Variants in NEBL observed in about 807,000 individuals in gnomAD.
NEBL encodes the protein nebulette, also known as LIM and SH3 protein 2.
NEBL carries 122 observed loss-of-function variants against 140.2 expected under a neutral mutation model. The observed-to-expected ratio is 0.87, with a 90% CI of 0.75 to 1.01. The LOEUF (loss-of-function observed/expected upper bound fraction) is 1.01. Ranked by LOEUF, NEBL falls within the 50% of genes least tolerant of loss-of-function variation. NEBL has a pLI of 0.00. For missense variants in NEBL, 1,365 were observed against 1,231.3 expected (o/e 1.11, Z -1.62); for synonymous variants, 436 against 398.9 (o/e 1.09, Z -1.11).
At chr10:21,146,958 G>C (rs938556720) in intron 2 of NEBL, among the ~76,000 whole-genome samples, 1 of 152,112 alleles carries the variant, frequency 6.6e-6, no homozygotes, top group African/African-American at 2.4e-5. Flanking sequence ...ATGGCTTCTT[G>C]ATTTCCACGG....
At chr10:20,966,560 G>T (rs187663799) in intron 3 of NEBL, among the ~76,000 whole-genome samples, 1 of 152,296 alleles carries the variant, frequency 6.6e-6, no homozygotes, top group East Asian at 1.9e-4. Flanking sequence ...GCCAAAGTGT[G>T]CACCCTTAGT....
At chr10:20,835,188 A>G (rs1795260097) in intron 14 of NEBL, among the ~76,000 whole-genome samples, 1 of 152,236 alleles carries the variant, frequency 6.6e-6, no homozygotes, top group Admixed American at 6.5e-5. Context: ...CCATTAAAAA[A>G]TACCATGAAA....
At chr10:20,982,198 C>T (rs61849670) in intron 3 of NEBL, among the ~76,000 whole-genome samples, 9,488 of 151,980 alleles carry the variant, frequency 0.062, 419 homozygotes, top group Non-Finnish European at 0.089. Flanking sequence ...AGGAATGCAT[C>T]GTGTAGTTAC....
At chr10:21,217,055 G>C (rs1200829655) in intron 3 of NEBL, among the ~76,000 whole-genome samples, 6 of 152,106 alleles carry the variant, frequency 3.9e-5, no homozygotes, top group Non-Finnish European at 8.8e-5. Flanking sequence ...CAATACCCCT[G>C]GGAAGGGGCT....
At chr10:20,794,514 A>G (rs912976193) in intron 26 of NEBL, among the ~76,000 whole-genome samples, 1 of 152,202 alleles carries the variant, frequency 6.6e-6, no homozygotes, top group Non-Finnish European at 1.5e-5. Flanking sequence ...TTTTGGTGAA[A>G]TATACATACC....
intron 3 of NEBL, among the ~76,000 whole-genome samples, chr10:21,228,035 T>C (rs866556402): frequency 2.6e-5 from 4 of 152,080 alleles, no homozygotes; most frequent in Non-Finnish European, 5.9e-5. Flanking sequence ...CAGAGAATGA[T>C]AGTGTTCCCA....
At chr10:21,058,694 G>A (rs554483592) in intron 2 of NEBL, among the ~76,000 whole-genome samples, 2 of 152,132 alleles carry the variant, frequency 1.3e-5, no homozygotes, top group African/African-American at 2.4e-5. Flanking sequence ...TATAATATCA[G>A]AGTTGCATGT....
At chr10:21,255,453 T>C in intron 1 of NEBL, among the ~76,000 whole-genome samples, 1 of 152,136 alleles carries the variant, frequency 6.6e-6, no homozygotes, top group South Asian at 2.1e-4. Flanking sequence ...TGCTGTTCAA[T>C]ACAGTAGCCA....
chr10:20,846,469 A>G (rs1448002928), intron 11 of NEBL, among the ~76,000 whole-genome samples: 3 of 152,184 alleles, frequency 2.0e-5, no homozygotes, highest in East Asian at 1.9e-4. Context: ...CCATACAGCA[A>G]TCTAACAAAC....
chr10:20,812,743 C>A lies in NEBL; in HGVS notation c.2518+26G>T, dbSNP rs1043602775. 15 of 1,613,214 alleles carry A rather than the reference C, an allele frequency of 9.3e-6. No individual in the cohort carries two copies. In the African/African-American group the frequency reaches 1.7e-4, roughly 19 times the overall value. On this transcript the variant is annotated intron_variant, in intron 24 of 27. Coordinates refer to ENST00000377122, the MANE Select transcript of NEBL (RefSeq NM_006393.3). The stretch of plus-strand genomic sequence containing the variant: ...AGCATGATCTTTTCGACCACACACA[C>A]CGGCCGACAAACGCCGTCAGCTTAC...
chr10:20,906,131 G>A (rs80053609), intron 4 of NEBL, among the ~76,000 whole-genome samples: 2,345 of 152,160 alleles, frequency 0.015, 58 homozygotes, highest in African/African-American at 0.054. Flanking sequence ...AAATTCATTC[G>A]TATTATGTAG....
At chr10:20,836,854 C>A (rs1226155888) in intron 13 of NEBL, among the ~76,000 whole-genome samples, 1 of 151,788 alleles carries the variant, frequency 6.6e-6, no homozygotes, top group Non-Finnish European at 1.5e-5. Context: ...GACAAGGACC[C>A]TGTCTTTAGC....
chr10:21,094,252 C>T (rs900928409), intron 2 of NEBL, among the ~76,000 whole-genome samples: 25 of 152,082 alleles, frequency 1.6e-4, no homozygotes, highest in African/African-American at 6.0e-4. Flanking sequence ...CCTGTAATCC[C>T]AGCACTTTGG....
At chr10:20,832,156 C>T (rs1840477258) in intron 14 of NEBL, among the ~76,000 whole-genome samples, 1 of 152,206 alleles carries the variant, frequency 6.6e-6, no homozygotes, top group Non-Finnish European at 1.5e-5. Context: ...CAATGTTCCC[C>T]ACTCCTAAAC....
intron 1 of NEBL, among the ~76,000 whole-genome samples, chr10:21,274,606 A>G (rs764240895): frequency 6.6e-6 from 1 of 151,938 alleles, no homozygotes; most frequent in Non-Finnish European, 1.5e-5. Context: ...TTGCATTTTT[A>G]GTAGAGACAG....
At chr10:21,277,359 C>A (rs1373235336) in intron 1 of NEBL, among the ~76,000 whole-genome samples, 1 of 152,100 alleles carries the variant, frequency 6.6e-6, no homozygotes, top group Non-Finnish European at 1.5e-5. Flanking sequence ...CGAGTGCCCA[C>A]CACCACTCCT....
intron 19 of NEBL, among the ~76,000 whole-genome samples, chr10:20,822,873 G>A: frequency 6.6e-6 from 1 of 152,126 alleles, no homozygotes; most frequent in Admixed American, 6.6e-5. Flanking sequence ...GGCTTTTAGT[G>A]TAACCATTAC....
chr10:20,949,663 C>G (rs1431378506), intron 4 of NEBL, among the ~76,000 whole-genome samples: 2 of 151,982 alleles, frequency 1.3e-5, no homozygotes, highest in Non-Finnish European at 2.9e-5. Flanking sequence ...AATTAATAAG[C>G]TGAACAACAC....
At chr10:20,810,714 G>A (rs1383143657) in intron 24 of NEBL, among the ~76,000 whole-genome samples, 2 of 152,172 alleles carry the variant, frequency 1.3e-5, no homozygotes, top group African/African-American at 4.8e-5. Flanking sequence ...GTTTACAGCT[G>A]TACCAACAAC....
Sources: gnomAD v4.1 joint callset for allele counts (sites outside exome capture counted in the v4.1 genomes callset) on GRCh38, gnomAD v4.1.1 for gene constraint, MANE v1.5 for transcripts, NCBI Gene and HGNC (gene_info 2026-07-23, HGNC 2026-07-21) for gene names.